The following JMJD1C variants were observed in gnomAD, a reference collection of about 807,000 sequenced individuals.
The protein encoded by JMJD1C is jumonji domain-containing protein 1C.
Under a neutral mutation model 245.3 loss-of-function variants are expected in JMJD1C, and 31 were observed. The ratio of observed to expected loss-of-function variants is 0.13; its 90% CI spans 0.09 to 0.17. The LOEUF (loss-of-function observed/expected upper bound fraction) is 0.17, where lower values mean the gene tolerates loss of function less well. Among genes scored for constraint, JMJD1C ranks in the 10% least tolerant of loss-of-function variants. The pLI is 1.00. For synonymous variants in JMJD1C, 1,057 were observed against 1,017.4 expected, an observed-to-expected ratio of 1.04 and a Z score of -0.74; for missense variants, 2,691 against 3,000.2, an observed-to-expected ratio of 0.90 and a Z score of 2.41.
intron 2 of JMJD1C, among the ~76,000 whole-genome samples, chr10:63,287,861 C>T (rs1487286665): frequency 6.6e-6 from 1 of 152,012 alleles, no homozygotes. Context: ...GATTCTCCTG[C>T]CTCGGCCTCT....
rs7897682 is a variant in JMJD1C at position 63,450,382 on chromosome 10, A to G, written c.168+15113T>C. 9.2e-3 allele frequency among the ~76,000 whole-genome samples: 1,394 copies of G among 152,182 alleles called. 17 individuals are homozygous for G. Among genetic ancestry groups the G allele is most frequent in the African/African-American group, 0.031 (1,274 of 41,488 alleles). Reference sequence around the variant, plus strand: ...TTATTACCATAGCAGCATTATTACCATTATTACCATGACTCTGCCTGTGAA... The same window carrying G: ...TTATTACCATAGCAGCATTATTACCGTTATTACCATGACTCTGCCTGTGAA... On this transcript the variant is annotated intron_variant, in intron 1 of 25. Coordinates refer to ENST00000399262, the MANE Select transcript of JMJD1C (RefSeq NM_032776.3).
chr10:63,223,467 AT>A (rs1848874173), intron 3 of JMJD1C, among the ~76,000 whole-genome samples: 1 of 151,918 alleles, frequency 6.6e-6, no homozygotes, highest in Non-Finnish European at 1.5e-5. Context: ...GACTCAAGCG[AT>A]CTGCCCACCT....
At chr10:63,186,428 T>G in intron 18 of JMJD1C, 45 bp from the exon 19 acceptor site, 2 of 1,446,352 alleles carry the variant, frequency 1.4e-6, no homozygotes, top group Non-Finnish European at 1.9e-6. Context: ...TATATAGACT[T>G]TCTTTTTTGT....
At chr10:63,195,473 C>T (rs548313295) in intron 13 of JMJD1C, among the ~76,000 whole-genome samples, 11 of 152,156 alleles carry the variant, frequency 7.2e-5, no homozygotes, top group Admixed American at 1.3e-4. Flanking sequence ...AAAACCTACA[C>T]GGTAACTTGC....
At chr10:63,346,601 A>G (rs1943835820) in intron 2 of JMJD1C, among the ~76,000 whole-genome samples, 1 of 152,206 alleles carries the variant, frequency 6.6e-6, no homozygotes, top group Non-Finnish European at 1.5e-5. Flanking sequence ...TCTGTACCTC[A>G]TATTTCCATT....
chr10:63,203,310 A>T, intron 10 of JMJD1C: 1 of 982,828 alleles, frequency 1.0e-6, no homozygotes, highest in Non-Finnish European at 1.2e-6. Flanking sequence ...TGAGATTAAG[A>T]CACTTAGTCA....
chr10:63,350,249 C>T (rs541000753), intron 2 of JMJD1C, among the ~76,000 whole-genome samples: 1 of 152,210 alleles, frequency 6.6e-6, no homozygotes. Context: ...GTAGGAAAAG[C>T]TATTCTCACC....
chr10:63,443,839 A>C (rs988085600), intron 1 of JMJD1C, among the ~76,000 whole-genome samples: 1 of 152,200 alleles, frequency 6.6e-6, no homozygotes, highest in Non-Finnish European at 1.5e-5. Context: ...CTCATAGAAG[A>C]AATGACACTT....
chr10:63,422,489 T>G (rs1046894376), intron 1 of JMJD1C, among the ~76,000 whole-genome samples: 1 of 152,224 alleles, frequency 6.6e-6, no homozygotes, highest in East Asian at 1.9e-4. Flanking sequence ...TTTTTCACAC[T>G]TCTGCTTACA....
chr10:63,425,650 G>A (rs530490818), intron 1 of JMJD1C, among the ~76,000 whole-genome samples: 2 of 152,236 alleles, frequency 1.3e-5, no homozygotes, highest in South Asian at 4.1e-4. Context: ...AGGCATGGTT[G>A]TGCACACCTG....
At chr10:63,381,416 G>C (rs1169754825) in intron 1 of JMJD1C, among the ~76,000 whole-genome samples, 4 of 152,190 alleles carry the variant, frequency 2.6e-5, no homozygotes, top group African/African-American at 9.7e-5. Context: ...AGGAAGCTAA[G>C]ACAGGAGGAT....
Position 63,279,836 on chromosome 10 carries a change from T to C in JMJD1C, c.334-15072A>G, listed in dbSNP as rs148523855. On this transcript the variant is annotated intron_variant, in intron 2 of 25. Transcript: ENST00000399262. Reference sequence around the variant, plus strand: ...CCAATACATATTACATATACATTTTTAAATGGGAGTGGGGGGAATCAAAAC... The same window carrying C: ...CCAATACATATTACATATACATTTTCAAATGGGAGTGGGGGGAATCAAAAC... 5.9e-5 allele frequency among the ~76,000 whole-genome samples: 9 copies of C among 152,250 alleles called. No homozygotes were observed. The East Asian group carries it at 1.7e-3, about 29-fold the overall frequency.
intron 2 of JMJD1C, among the ~76,000 whole-genome samples, chr10:63,274,435 C>T (rs1409780565): frequency 2.6e-5 from 4 of 151,786 alleles, no homozygotes; most frequent in East Asian, 1.9e-4. Context: ...TGTGGTGGCA[C>T]GCACCTGTGG....
chr10:63,420,662 A>C (rs1293126364), intron 1 of JMJD1C, among the ~76,000 whole-genome samples: 1 of 143,218 alleles, frequency 7.0e-6, no homozygotes, highest in South Asian at 2.3e-4. Flanking sequence ...GAATCTGAGG[A>C]GGCAATGAGC....
chr10:63,489,813 A>G (rs1954110275), intron 1 of JMJD1C, among the ~76,000 whole-genome samples: 1 of 152,128 alleles, frequency 6.6e-6, no homozygotes, highest in Admixed American at 6.5e-5. Flanking sequence ...GGTCTGGCCC[A>G]CTTTTCCAGG....
intron 3 of JMJD1C, among the ~76,000 whole-genome samples, chr10:63,238,290 A>T (rs1427718656): frequency 6.6e-6 from 1 of 151,882 alleles, no homozygotes; most frequent in Non-Finnish European, 1.5e-5. Flanking sequence ...TATTATCCAT[A>T]GTACTCTTTA....
intron 1 of JMJD1C, among the ~76,000 whole-genome samples, chr10:63,432,814 C>CT (rs1204368970): frequency 5.3e-5 from 8 of 152,244 alleles, no homozygotes; most frequent in Middle Eastern, 3.4e-3. Flanking sequence ...TTTTACAGAA[C>CT]TTTTAGATTA....
intron 24 of JMJD1C, among the ~76,000 whole-genome samples, chr10:63,171,711 G>C (rs1397815390): frequency 6.6e-6 from 1 of 152,038 alleles, no homozygotes; most frequent in Non-Finnish European, 1.5e-5. Context: ...CAGAAACTCT[G>C]GTGGTGGGGT....
chr10:63,378,348 T>C (rs541245639), intron 2 of JMJD1C, among the ~76,000 whole-genome samples: 1 of 152,094 alleles, frequency 6.6e-6, no homozygotes, highest in African/African-American at 2.4e-5. Context: ...TCCCAGCACT[T>C]TGGAGGGCCG....
Sources: allele counts gnomAD v4.1 joint callset (sites outside exome capture counted in the v4.1 genomes callset), GRCh38; gene constraint gnomAD v4.1.1; transcripts MANE v1.5; gene names NCBI Gene and HGNC (gene_info 2026-07-23, HGNC 2026-07-21).